The following LPA variants were observed in gnomAD, a reference collection of about 807,000 sequenced individuals.
LPA encodes lipoprotein(a).
Under a neutral mutation model 197.9 loss-of-function variants are expected in LPA, and 199 were observed. The observed-to-expected ratio is 1.01, with a 90% CI of 0.90 to 1.13. The LOEUF (loss-of-function observed/expected upper bound fraction) is 1.13, where lower values mean the gene tolerates loss of function less well. LPA is among the 50% of genes most tolerant of loss of function. LPA has a pLI of 0.00. For synonymous variants in LPA, 715 were observed against 639.5 expected (o/e 1.12, Z -1.78); for missense variants, 1,853 against 1,785.8 (o/e 1.04, Z -0.68).
At chr6:160,601,152 A>G in intron 18 of LPA, 54 bp from the exon 19 acceptor site, 1 of 1,519,492 alleles carries the variant, frequency 6.6e-7, no homozygotes, top group Non-Finnish European at 9.1e-7. Flanking sequence ...ATGCAGGAAC[A>G]CTGTATATTT....
chr6:160,567,137 A>G (rs1778471705), intron 28 of LPA, among the ~76,000 whole-genome samples: 1 of 152,252 alleles, frequency 6.6e-6, no homozygotes. Flanking sequence ...CTCTGCACCA[A>G]GCAGACCTAA....
chr6:160,575,361 G>A (rs1240999166), intron 28 of LPA, among the ~76,000 whole-genome samples: 2 of 152,162 alleles, frequency 1.3e-5, no homozygotes, highest in East Asian at 3.9e-4. Flanking sequence ...GGGTCTATTT[G>A]TATTGAATGA....
chr6:160,534,935 ATGATGG>A (rs1356707853), intron 37 of LPA, among the ~76,000 whole-genome samples: 4 of 148,800 alleles, frequency 2.7e-5, no homozygotes, highest in African/African-American at 7.4e-5. Flanking sequence ...GATGGTGTTA[ATGATGG>A]TGATGGTGAT....
At chr6:160,590,186 G>T (rs1351729050) in intron 23 of LPA, among the ~76,000 whole-genome samples, 1 of 152,146 alleles carries the variant, frequency 6.6e-6, no homozygotes, top group Non-Finnish European at 1.5e-5. Flanking sequence ...CCTCCATCTA[G>T]GACTTCCAGG....
In LPA at chr6:160,635,288, AG is replaced by A; in HGVS notation, c.909del (p.Tyr304ThrfsTer27). 1 of 1,197,864 alleles carries A rather than the reference AG, an allele frequency of 8.3e-7. No homozygotes were observed. The highest frequency in any genetic ancestry group is 1.2e-6 in the Non-Finnish European group (1 of 860,050). The allele number at this position is 1,197,864 out of a possible 1,614,324, so 74.2% of individuals were successfully genotyped here. On this transcript the variant is annotated frameshift_variant, in exon 7 of 39. Coordinates refer to ENST00000316300, the MANE Select transcript of LPA (RefSeq NM_005577.4). LOFTEE classifies it high-confidence loss of function. ...GCCACAGCATCTGGATTCCTGCAGT[AG>A]TTCATGATCAAGCCACTGGAAATTC... ...EYYPNAGLIM[N>X]YCRNPDAVAA...
intron 20 of LPA, among the ~76,000 whole-genome samples, chr6:160,595,891 G>A (rs1227920132): frequency 6.6e-6 from 1 of 152,136 alleles, no homozygotes; most frequent in Non-Finnish European, 1.5e-5. Context: ...ATGTACAAGA[G>A]GATCAGAATA....
chr6:160,573,569 G>T (rs944577920), intron 28 of LPA, among the ~76,000 whole-genome samples: 3 of 152,158 alleles, frequency 2.0e-5, no homozygotes, highest in East Asian at 1.9e-4. Flanking sequence ...TCAGAGGGAA[G>T]GTAGGGCTGA....
intron 1 of LPA, among the ~76,000 whole-genome samples, chr6:160,662,902 C>A (rs1047038606): frequency 2.6e-5 from 4 of 152,164 alleles, no homozygotes; most frequent in African/African-American, 7.2e-5. Flanking sequence ...AGATGGAACT[C>A]CTGAGTTCAC....
intron 30 of LPA, among the ~76,000 whole-genome samples, chr6:160,551,754 A>C (rs73784281): frequency 6.6e-6 from 1 of 152,274 alleles, no homozygotes; most frequent in Admixed American, 6.5e-5. Flanking sequence ...TGTATCATGG[A>C]TATCCAAATG....
At chr6:160,535,476 G>T (rs370542313) in intron 37 of LPA, among the ~76,000 whole-genome samples, 6 of 9,172 alleles carry the variant, frequency 6.5e-4, no homozygotes, top group African/African-American at 1.8e-3. Context: ...TGGTGGTGAT[G>T]GTGATGGTGA....
At chr6:160,661,306 T>A (rs1780222327) in intron 1 of LPA, among the ~76,000 whole-genome samples, 1 of 152,174 alleles carries the variant, frequency 6.6e-6, no homozygotes, top group African/African-American at 2.4e-5. Flanking sequence ...AAAGAGTGAC[T>A]AGAAGAGCAG....
intron 28 of LPA, among the ~76,000 whole-genome samples, chr6:160,566,957 A>G (rs963854861): frequency 6.6e-6 from 1 of 152,230 alleles, no homozygotes; most frequent in Non-Finnish European, 1.5e-5. Flanking sequence ...TCCTAAATAT[A>G]TATGCACCCA....
intron 28 of LPA, among the ~76,000 whole-genome samples, chr6:160,565,283 A>G (rs1583582180): frequency 1.3e-5 from 2 of 152,178 alleles, no homozygotes; most frequent in East Asian, 3.9e-4. Context: ...AGTAGGGGCC[A>G]ACTGACACCT....
At chr6:160,647,908 A>G (rs147707570) in intron 2 of LPA, among the ~76,000 whole-genome samples, 181 of 152,330 alleles carry the variant, frequency 1.2e-3, no homozygotes, top group African/African-American at 4.2e-3. Flanking sequence ...GCCAATTGCT[A>G]GGTTCTTCAT....
At chr6:160,586,424 G>C (rs368972938) in intron 25 of LPA, 25 bp downstream of exon 25, 1 of 1,611,940 alleles carries the variant, frequency 6.2e-7, no homozygotes, top group African/African-American at 1.3e-5. Flanking sequence ...CCGAGGGTAT[G>C]GTTGTCTGAC....
At chr6:160,590,825 G>T (rs1193809109) in intron 23 of LPA, 119 bp downstream of exon 23, 2 of 1,393,112 alleles carry the variant, frequency 1.4e-6, no homozygotes, top group African/African-American at 1.4e-5. Context: ...CCCATTGGCT[G>T]ACCCTGAGTC....
intron 26 of LPA, 116 bp from the exon 27 acceptor site, chr6:160,578,820 T>G (rs1014106734): frequency 5.4e-5 from 77 of 1,432,984 alleles, no homozygotes; most frequent in Non-Finnish European, 6.2e-5. Context: ...AATATTCCCA[T>G]TATACCACAA....
chr6:160,542,230 C>T (rs771964228), intron 34 of LPA, among the ~76,000 whole-genome samples: 1 of 152,150 alleles, frequency 6.6e-6, no homozygotes, highest in Non-Finnish European at 1.5e-5. Context: ...GATGAATAGC[C>T]TCGGCATTGA....
chr6:160,533,069 TATATC>T (rs1383937552), intron 37 of LPA, among the ~76,000 whole-genome samples: 8 of 152,192 alleles, frequency 5.3e-5, no homozygotes, highest in Admixed American at 1.3e-4. Context: ...CAATCAATGT[TATATC>T]ATGAGTTTTT....
Sources: allele counts gnomAD v4.1 joint callset (sites outside exome capture counted in the v4.1 genomes callset), GRCh38; gene constraint gnomAD v4.1.1; transcripts MANE v1.5; gene names NCBI Gene and HGNC (gene_info 2026-07-23, HGNC 2026-07-21).